Variants in TNIK observed in about 807,000 individuals in gnomAD.
TNIK encodes the protein TRAF2 and NCK interacting kinase, also known as TRAF2 and NCK-interacting protein kinase.
A neutral mutation model predicts 191.3 loss-of-function variants in TNIK; 49 were observed. The ratio of observed to expected loss-of-function variants is 0.26; its 90% CI spans 0.20 to 0.32. The LOEUF is 0.32. Among genes scored for constraint, TNIK ranks in the 10% least tolerant of loss-of-function variants. TNIK has a pLI of 1.00. For missense variants in TNIK, 1,155 were observed against 1,702.3 expected, an observed-to-expected ratio of 0.68 and a Z score of 5.66; for synonymous variants, 594 against 600.9, an observed-to-expected ratio of 0.99 and a Z score of 0.17.
chr3:171,280,858 TCTCTA>T, intron 2 of TNIK, among the ~76,000 whole-genome samples: 1 of 152,284 alleles, frequency 6.6e-6, no homozygotes, highest in East Asian at 1.9e-4. Flanking sequence ...AATAGATATT[TCTCTA>T]TTACTATATG....
intron 23 of TNIK, among the ~76,000 whole-genome samples, chr3:171,093,055 G>A (rs539042597): frequency 3.2e-4 from 48 of 152,334 alleles, no homozygotes; most frequent in Non-Finnish European, 5.7e-4. Flanking sequence ...GATGGATGCA[G>A]GGAGAGGTCA....
At chr3:171,156,997 T>C (rs1025935235) in intron 12 of TNIK, among the ~76,000 whole-genome samples, 1 of 152,222 alleles carries the variant, frequency 6.6e-6, no homozygotes. Flanking sequence ...ACCTACGACA[T>C]GCTAGAGATA....
chr3:171,389,062 G>C (rs1577733546), intron 1 of TNIK, among the ~76,000 whole-genome samples: 4 of 152,008 alleles, frequency 2.6e-5, no homozygotes, highest in Non-Finnish European at 5.9e-5. Flanking sequence ...TCTCTAAGGT[G>C]GACATTAGTA....
chr3:171,219,314 A>ATG (rs1211400108), intron 3 of TNIK, among the ~76,000 whole-genome samples: 3 of 144,866 alleles, frequency 2.1e-5, no homozygotes, highest in Non-Finnish European at 3.0e-5. Flanking sequence ...ATATATAATG[A>ATG]TGTGTATATA....
intron 21 of TNIK, among the ~76,000 whole-genome samples, chr3:171,103,841 G>C (rs190227203): frequency 6.6e-6 from 1 of 151,768 alleles, no homozygotes; most frequent in Non-Finnish European, 1.5e-5. Context: ...ATTTCAAAAC[G>C]AGACAAAAGA....
intron 4 of TNIK, among the ~76,000 whole-genome samples, chr3:171,199,933 CAG>C: frequency 6.6e-6 from 1 of 152,326 alleles, no homozygotes; most frequent in Non-Finnish European, 1.5e-5. Flanking sequence ...AATACCTCCC[CAG>C]TGTCCACTTC....
chr3:171,078,507 T>G (rs1720275709), intron 28 of TNIK, among the ~76,000 whole-genome samples: 1 of 152,100 alleles, frequency 6.6e-6, no homozygotes, highest in Non-Finnish European at 1.5e-5. Context: ...GCCCTTTTCT[T>G]GTTTTATAGA....
chr3:171,312,137 AAAAAG>A (rs1435622314), intron 2 of TNIK, among the ~76,000 whole-genome samples: 16 of 119,250 alleles, frequency 1.3e-4, no homozygotes, highest in Non-Finnish European at 2.5e-4. Flanking sequence ...AAAAAAAAAA[AAAAAG>A]GGCTAGACTG....
intron 2 of TNIK, among the ~76,000 whole-genome samples, chr3:171,305,750 T>C (rs1040502943): frequency 6.6e-6 from 1 of 152,200 alleles, no homozygotes; most frequent in Non-Finnish European, 1.5e-5. Context: ...AAGGCAACGC[T>C]TATACACTGC....
At chr3:171,380,461 T>C (rs115577197) in intron 1 of TNIK, among the ~76,000 whole-genome samples, 90 of 152,264 alleles carry the variant, frequency 5.9e-4, no homozygotes, top group African/African-American at 2.1e-3. Flanking sequence ...ACGGGACCAT[T>C]CCCCCAGAGA....
intron 19 of TNIK, among the ~76,000 whole-genome samples, chr3:171,109,482 A>G (rs1271051658): frequency 1.3e-5 from 2 of 152,256 alleles, no homozygotes; most frequent in African/African-American, 4.8e-5. Flanking sequence ...ATCACATGTT[A>G]GATATCAAGC....
chr3:171,112,768 C>T (rs1483633132), intron 18 of TNIK, among the ~76,000 whole-genome samples: 3 of 151,928 alleles, frequency 2.0e-5, no homozygotes, highest in African/African-American at 7.3e-5. Context: ...GCATTGTGAG[C>T]ATATTCTTAT....
At chr3:171,085,297 T>C (rs1721204474) in intron 24 of TNIK, 68 bp from the exon 25 acceptor site, 8 of 1,426,948 alleles carry the variant, frequency 5.6e-6, no homozygotes, top group Non-Finnish European at 7.6e-6. Context: ...CTAACAATAC[T>C]GTGCTTGGGC....
chr3:171,362,007 T>C (rs2108471375), intron 2 of TNIK, among the ~76,000 whole-genome samples: 1 of 152,260 alleles, frequency 6.6e-6, no homozygotes, highest in East Asian at 1.9e-4. Flanking sequence ...ATGAGGTTCT[T>C]GCTGCTCCAC....
chr3:171,140,453 G>A lies in TNIK; in HGVS notation c.1278C>T (p.His426=), dbSNP rs1430092696. The A allele has an allele frequency of 6.2e-7, 1 of 1,612,604 alleles. No individual in the cohort carries two copies. The highest frequency in any genetic ancestry group is 1.3e-5 in the African/African-American group (1 of 74,916). Residue 426 remains histidine (H), a synonymous_variant, in exon 13 of 33, where the codon CAC becomes CAT. Transcript: ENST00000436636. ...RKQQEREQRR[H]YEEQMRREEE... ...CCTCCCGGCGCATCTGCTCCTCATA[G>A]TGCCGGCGCTGCTCCCTCTCCTGCT...
intron 2 of TNIK, among the ~76,000 whole-genome samples, chr3:171,364,738 G>A (rs1034778943): frequency 1.8e-4 from 28 of 152,104 alleles, no homozygotes; most frequent in African/African-American, 6.8e-4. Context: ...GGGAAGCAGA[G>A]GCAGTGGCTA....
intron 2 of TNIK, among the ~76,000 whole-genome samples, chr3:171,364,364 T>TA (rs532408501): frequency 0.021 from 3,014 of 141,860 alleles, 104 homozygotes; most frequent in African/African-American, 0.071. Flanking sequence ...CATCCCATTA[T>TA]AAAAAAAAAA....
At chr3:171,176,619 A>G (rs73171511) in intron 8 of TNIK, among the ~76,000 whole-genome samples, 13,735 of 152,278 alleles carry the variant, frequency 0.09, 965 homozygotes, top group African/African-American at 0.19. Flanking sequence ...AGTTGCCTAC[A>G]AAGGAATCTT....
intron 2 of TNIK, among the ~76,000 whole-genome samples, chr3:171,355,160 T>C (rs1713847063): frequency 6.6e-6 from 1 of 152,140 alleles, no homozygotes; most frequent in African/African-American, 2.4e-5. Context: ...CATGGCTCCG[T>C]ATTAATCATC....
Sources: allele counts gnomAD v4.1 joint callset (sites outside exome capture counted in the v4.1 genomes callset), GRCh38; gene constraint gnomAD v4.1.1; transcripts MANE v1.5; gene names NCBI Gene and HGNC (gene_info 2026-07-23, HGNC 2026-07-21).